The following IL34 variants were observed in gnomAD, a reference collection of about 807,000 sequenced individuals.
The protein encoded by IL34 is interleukin 34.
In IL34, 17 loss-of-function variants were observed where a neutral mutation model predicts 25.3. That is an observed-to-expected ratio of 0.67 (90% CI 0.46 to 1.01). IL34 has a LOEUF of 1.01. Among genes scored for constraint, IL34 ranks in the 50% least tolerant of loss-of-function variants. The pLI is 0.00. For missense variants in IL34, 368 were observed against 312.9 expected, an observed-to-expected ratio of 1.18 and a Z score of -1.33; for synonymous variants, 174 against 140.9, an observed-to-expected ratio of 1.23 and a Z score of -1.66.
At chr16:70,648,414 G>T (rs956240723) in intron 1 of IL34, among the ~76,000 whole-genome samples, 3 of 152,026 alleles carry the variant, frequency 2.0e-5, no homozygotes, top group Non-Finnish European at 2.9e-5. Flanking sequence ...TTAGCCAGGT[G>T]TGGTGGCATA....
intron 1 of IL34, among the ~76,000 whole-genome samples, chr16:70,629,004 G>A (rs1001133435): frequency 6.6e-6 from 1 of 152,036 alleles, no homozygotes; most frequent in Non-Finnish European, 1.5e-5. Context: ...TGCCCAGGCT[G>A]GTCTCAAACT....
At chr16:70,626,259 A>T (rs1457235887) in intron 1 of IL34, among the ~76,000 whole-genome samples, 1 of 151,728 alleles carries the variant, frequency 6.6e-6, no homozygotes, top group African/African-American at 2.4e-5. Context: ...TATTTTATTA[A>T]TTTTTTGTTT....
intron 1 of IL34, among the ~76,000 whole-genome samples, chr16:70,621,393 G>T (rs531972049): frequency 6.6e-6 from 1 of 152,156 alleles, no homozygotes; most frequent in African/African-American, 2.4e-5. Context: ...GGGAGAGATT[G>T]AAGAGTGGAA....
intron 1 of IL34, among the ~76,000 whole-genome samples, chr16:70,599,301 T>TTTCTTTCTTTCTTCTTTCTTTCTTTCC: frequency 1.4e-5 from 2 of 140,960 alleles, no homozygotes; most frequent in African/African-American, 5.5e-5. Flanking sequence ...TTCTTCTTTC[T>TTTCTTTCTTTCTTCTTTCTTTCTTTCC]TTCCTTCTTT....
chr16:70,659,871 A>T, intron 5 of IL34, 118 bp downstream of exon 5: 3 of 1,487,542 alleles, frequency 2.0e-6, no homozygotes, highest in Non-Finnish European at 1.8e-6. Context: ...CGGGGCTACA[A>T]GCCATTTCTG....
In IL34 at chr16:70,660,269, G is replaced by A. The variant is rs1352388662; in HGVS notation, c.*82G>A. ...AACTGGGTCTGAGACTTCAAGGGGT[G>A]GTGGTGGGAGCCCCCCTTGGGAGAG... is the stretch of plus-strand genomic sequence containing the variant. On this transcript the variant is annotated 3_prime_UTR_variant, in exon 6 of 6. Coordinates refer to ENST00000288098, the MANE Select transcript of IL34 (RefSeq NM_001393494.1). The A allele has an allele frequency of 1.5e-6, 2 of 1,314,054 alleles. No individual in the cohort carries two copies. The highest frequency in any genetic ancestry group is 2.5e-5 in the East Asian group (1 of 40,476). 81.4% of individuals were successfully genotyped at this position (1,314,054 alleles called of 1,614,324 possible).
intron 1 of IL34, among the ~76,000 whole-genome samples, chr16:70,626,545 C>A (rs543669515): frequency 4.0e-5 from 6 of 151,826 alleles, no homozygotes; most frequent in South Asian, 2.1e-4. Context: ...TACAGGCATG[C>A]GCCACCACGC....
intron 1 of IL34, among the ~76,000 whole-genome samples, chr16:70,611,708 G>T (rs1377831731): frequency 6.6e-6 from 1 of 152,112 alleles, no homozygotes; most frequent in East Asian, 1.9e-4. Context: ...GCTGGGCATG[G>T]TGGCAGGCAC....
intron 1 of IL34, among the ~76,000 whole-genome samples, chr16:70,640,482 G>C (rs1368037756): frequency 1.3e-5 from 2 of 151,896 alleles, no homozygotes; most frequent in Non-Finnish European, 2.9e-5. Context: ...AAGTTAGCCG[G>C]GTGTGGTGGT....
intron 1 of IL34, among the ~76,000 whole-genome samples, chr16:70,603,272 AT>A (rs1188430468): frequency 5.9e-5 from 9 of 151,802 alleles, no homozygotes; most frequent in African/African-American, 1.9e-4. Flanking sequence ...CCATTTATTT[AT>A]TTTTTATTTG....
intron 1 of IL34, among the ~76,000 whole-genome samples, chr16:70,582,595 A>G (rs1220402941): frequency 6.6e-6 from 1 of 152,238 alleles, no homozygotes; most frequent in Non-Finnish European, 1.5e-5. Flanking sequence ...CACACAGATA[A>G]AGCAGTTGGC....
At chr16:70,650,050 C>T (rs1171340068) in intron 1 of IL34, among the ~76,000 whole-genome samples, 5 of 152,170 alleles carry the variant, frequency 3.3e-5, no homozygotes, top group South Asian at 2.1e-4. Context: ...CCGCCCACCT[C>T]GGCCTTCCAA....
At chr16:70,652,939 C>T (rs981547773) in intron 1 of IL34, among the ~76,000 whole-genome samples, 2 of 152,108 alleles carry the variant, frequency 1.3e-5, no homozygotes, top group African/African-American at 2.4e-5. Context: ...CATGGTGGCT[C>T]GTGCCTGTAA....
At chr16:70,659,347 T>G (rs1206129255) in intron 4 of IL34, among the ~76,000 whole-genome samples, 1 of 152,220 alleles carries the variant, frequency 6.6e-6, no homozygotes, top group African/African-American at 2.4e-5. Flanking sequence ...TGCCCCACTT[T>G]CCTCACTGTC....
intron 1 of IL34, among the ~76,000 whole-genome samples, chr16:70,618,335 G>T (rs952827208): frequency 6.6e-6 from 1 of 152,058 alleles, no homozygotes; most frequent in East Asian, 1.9e-4. Flanking sequence ...GGTCAGGTGT[G>T]GTATCAGGAA....
At chr16:70,640,968 A>G (rs1255256737) in intron 1 of IL34, among the ~76,000 whole-genome samples, 1 of 152,070 alleles carries the variant, frequency 6.6e-6, no homozygotes, top group Non-Finnish European at 1.5e-5. Context: ...CTAGGTATAT[A>G]CTCAAGAGAA....
At chr16:70,647,868 C>T (rs1403020945) in intron 1 of IL34, among the ~76,000 whole-genome samples, 1 of 152,178 alleles carries the variant, frequency 6.6e-6, no homozygotes, top group Admixed American at 6.5e-5. Flanking sequence ...GTTCTGGAAA[C>T]CCCTAGGTCA....
At chr16:70,648,577 G>A (rs1488644350) in intron 1 of IL34, among the ~76,000 whole-genome samples, 11 of 118,694 alleles carry the variant, frequency 9.3e-5, no homozygotes, top group African/African-American at 2.5e-4. Flanking sequence ...AAAAAAAAAG[G>A]AGAAAAGAAA....
rs570624108 is a variant in IL34 at position 70,625,418 on chromosome 16, C to T, written c.-400-21130C>T. The stretch of plus-strand genomic sequence containing the variant: ...AATAAGGGATTGGGGGTTCTTGCCC[C>T]CTAGAAAAGCGGGACTTGCCGCTAA... On this transcript the variant is annotated intron_variant, in intron 1 of 6. Transcript: ENST00000429149. Among the ~76,000 whole-genome samples the T allele has an allele frequency of 4.6e-5, 7 of 152,140 alleles. No homozygotes were observed. The South Asian group carries it at 1.5e-3, about 32-fold the overall frequency.
Sources: gnomAD v4.1 joint callset for allele counts (sites outside exome capture counted in the v4.1 genomes callset) on GRCh38, gnomAD v4.1.1 for gene constraint, MANE v1.5 for transcripts, NCBI Gene and HGNC (gene_info 2026-07-23, HGNC 2026-07-21) for gene names.